Variants in FNIP2 observed in about 807,000 individuals in gnomAD.
FNIP2 encodes the protein folliculin interacting protein 2.
A neutral mutation model predicts 108.7 loss-of-function variants in FNIP2; 32 were observed. That is an observed-to-expected ratio of 0.29 (90% CI 0.22 to 0.40). The LOEUF is 0.40. FNIP2 is among the 10% of genes least tolerant of loss of function. FNIP2 has a pLI of 1.00. For missense variants in FNIP2, 1,202 were observed against 1,381.6 expected (o/e 0.87, Z 2.06); for synonymous variants, 480 against 496.7 (o/e 0.97, Z 0.45).
chr4:158,818,183 G>A (rs937941783), intron 1 of FNIP2, among the ~76,000 whole-genome samples: 2 of 152,162 alleles, frequency 1.3e-5, no homozygotes, highest in Admixed American at 6.5e-5. Context: ...ATAATGTTTT[G>A]TCACTGCCGT....
chr4:158,891,741 T>C, intron 15 of FNIP2, 95 bp downstream of exon 15: 2 of 1,190,480 alleles, frequency 1.7e-6, no homozygotes, highest in Non-Finnish European at 2.4e-6. Flanking sequence ...AAGTACTGTT[T>C]TAATATAATT....
chr4:158,892,141 C>CT (rs34895070), intron 15 of FNIP2, among the ~76,000 whole-genome samples: 2,348 of 113,498 alleles, frequency 0.021, 74 homozygotes, highest in Middle Eastern at 0.045. Flanking sequence ...TCAATTGTTG[C>CT]TTTTTTTTTT....
chr4:158,830,420 G>A (rs1451810176), intron 3 of FNIP2, among the ~76,000 whole-genome samples: 4 of 151,514 alleles, frequency 2.6e-5, no homozygotes, highest in Admixed American at 6.6e-5. Context: ...CCGCCACCGC[G>A]CCCGGCTAAT....
intron 8 of FNIP2, among the ~76,000 whole-genome samples, chr4:158,857,903 A>AC (rs1487597333): frequency 6.6e-6 from 1 of 152,148 alleles, no homozygotes; most frequent in Non-Finnish European, 1.5e-5. Flanking sequence ...AGCCATGATC[A>AC]CACCACTGCA....
rs147770102 is a variant in FNIP2, at chr4:158,809,310, T to G, written c.108-16606T>G. ...CCCATCTTTACTAAAAATACAAAAATTAGCTAGATGTGGTAGCAGGTACCT... is the reference window on the plus strand; with the variant it reads ...CCCATCTTTACTAAAAATACAAAAAGTAGCTAGATGTGGTAGCAGGTACCT... On this transcript the variant is annotated intron_variant, in intron 1 of 16. Coordinates refer to ENST00000264433, the MANE Select transcript of FNIP2 (RefSeq NM_020840.3). Among the ~76,000 whole-genome samples the G allele has an allele frequency of 3.5e-3, 528 of 152,164 alleles. 3 individuals carry two copies. Among genetic ancestry groups the G allele is most frequent in the African/African-American group, 0.012 (491 of 41,500 alleles).
chr4:158,839,172 A>G (rs959588812), intron 7 of FNIP2, among the ~76,000 whole-genome samples: 1 of 152,150 alleles, frequency 6.6e-6, no homozygotes, highest in African/African-American at 2.4e-5. Flanking sequence ...TGCTTACCCC[A>G]TACCTAAGGG....
chr4:158,849,168 C>A (rs1306704886), intron 7 of FNIP2, among the ~76,000 whole-genome samples: 1 of 152,064 alleles, frequency 6.6e-6, no homozygotes, highest in African/African-American at 2.4e-5. Context: ...CATAGAAAGG[C>A]AAGGGAATGT....
intron 1 of FNIP2, among the ~76,000 whole-genome samples, chr4:158,814,648 T>G (rs1369598265): frequency 6.6e-6 from 1 of 152,186 alleles, no homozygotes; most frequent in Non-Finnish European, 1.5e-5. Flanking sequence ...GTTTAATCAA[T>G]GAGAAAAGGG....
At chr4:158,807,422 G>A (rs1381117596) in intron 1 of FNIP2, among the ~76,000 whole-genome samples, 1 of 152,132 alleles carries the variant, frequency 6.6e-6, no homozygotes, top group Non-Finnish European at 1.5e-5. Flanking sequence ...AGGATCGCTT[G>A]AGCCCAGGAG....
At chr4:158,890,052 C>A (rs1782206077) in intron 14 of FNIP2, 1 of 985,208 alleles carries the variant, frequency 1.0e-6, no homozygotes, top group South Asian at 4.7e-5. Context: ...GTAAGAAAAT[C>A]TTTGTACTTT....
intron 6 of FNIP2, 80 bp downstream of exon 6, chr4:158,833,708 C>A: frequency 1.4e-6 from 2 of 1,446,174 alleles, no homozygotes; most frequent in South Asian, 1.2e-5. Context: ...TTGAGTTTGT[C>A]GTGGGTTTTT....
At chr4:158,881,936 T>C (rs1485508443) in intron 14 of FNIP2, among the ~76,000 whole-genome samples, 3 of 151,514 alleles carry the variant, frequency 2.0e-5, no homozygotes, top group Non-Finnish European at 2.9e-5. Context: ...GAGGAGCCCC[T>C]CTGCCTGGCT....
At chr4:158,883,146 A>G (rs117415404) in intron 14 of FNIP2, among the ~76,000 whole-genome samples, 3 of 152,198 alleles carry the variant, frequency 2.0e-5, no homozygotes, top group Non-Finnish European at 4.4e-5. Context: ...CATGTGTTTT[A>G]TTATCCAGAA....
intron 12 of FNIP2, among the ~76,000 whole-genome samples, chr4:158,866,435 C>T (rs1247846664): frequency 6.6e-6 from 1 of 150,570 alleles, no homozygotes; most frequent in East Asian, 2.0e-4. Context: ...CCAGGCTGGT[C>T]TCGAACTCCT....
chr4:158,889,541 G>T (rs1037563565), intron 14 of FNIP2, among the ~76,000 whole-genome samples: 1 of 152,136 alleles, frequency 6.6e-6, no homozygotes, highest in African/African-American at 2.4e-5. Context: ...GACTAAGTTC[G>T]ATTTGAACCT....
intron 1 of FNIP2, among the ~76,000 whole-genome samples, chr4:158,793,412 G>A (rs750314375): frequency 2.0e-5 from 3 of 152,198 alleles, no homozygotes; most frequent in Admixed American, 6.5e-5. Flanking sequence ...TTTTACCATG[G>A]AAAGATGTAG....
Position 158,861,473 on chromosome 4 carries a change from A to G in FNIP2, c.1280A>G (p.Gln427Arg), listed in dbSNP as rs1780292565. ...AAGGAGTTTACACTTCTGATAGAAC[A>G]GATAAATAAAAACCAGTAAGCTTCA... is the stretch of plus-strand genomic sequence containing the variant. ...FLKEFTLLIE[Q>R]INKNQFFAAL... is the part of the protein sequence containing the mutation. The change falls in exon 11 of 17, where the codon CAG becomes CGG. Residue 427 changes from glutamine (Q) to arginine (R), a missense_variant. Physicochemically the swap from Gln to Arg is conservative, Grantham distance 43. This residue lies in a region of FNIP2 where 878 missense variants were observed against 990.3 expected (regional missense o/e 0.89). Transcript: ENST00000264433. The G allele has an allele frequency of 1.2e-6, 2 of 1,613,850 alleles. No homozygotes were observed. The highest frequency in any genetic ancestry group is 1.7e-6 in the Non-Finnish European group (2 of 1,179,892).
chr4:158,849,718 G>T lies in FNIP2; in HGVS notation c.728-1603G>T, dbSNP rs1278471761. On this transcript the variant is annotated intron_variant, in intron 7 of 16. Transcript: ENST00000264433. The stretch of plus-strand genomic sequence containing the variant: ...CCTGTTCACTGATACTTGAAATGTG[G>T]ATTTGGTTTTGGGGATTTAAGTCTG... Among the ~76,000 whole-genome samples, 3 of 152,000 alleles carry T rather than the reference G, an allele frequency of 2.0e-5. No homozygotes were observed. The South Asian group carries it at 6.2e-4, about 32-fold the overall frequency.
At chr4:158,824,402 C>T (rs898619665) in intron 1 of FNIP2, among the ~76,000 whole-genome samples, 1 of 152,198 alleles carries the variant, frequency 6.6e-6, no homozygotes. Context: ...CATCTATCCT[C>T]CTCTGTCCTG....
Sources: gnomAD v4.1 joint callset for allele counts (sites outside exome capture counted in the v4.1 genomes callset) on GRCh38, gnomAD v4.1.1 for gene constraint, gnomAD v4.1.1 regional missense constraint, MANE v1.5 for transcripts, NCBI Gene and HGNC (gene_info 2026-07-23, HGNC 2026-07-21) for gene names.